The following NAV2 variants were observed in gnomAD, a reference collection of about 807,000 sequenced individuals.
The protein encoded by NAV2 is helicase, APC down-regulated 1.
Under a neutral mutation model 223.2 loss-of-function variants are expected in NAV2, and 54 were observed. The observed-to-expected ratio is 0.24, with a 90% confidence interval of 0.19 to 0.30. NAV2 has a LOEUF of 0.30. Ranked by LOEUF, NAV2 falls within the 10% of genes least tolerant of loss-of-function variation. The pLI, the probability that NAV2 is intolerant of heterozygous loss-of-function variation, is 1.00. For missense variants in NAV2, 2,806 were observed against 3,147.5 expected, an observed-to-expected ratio of 0.89 and a Z score of 2.60; for synonymous variants, 1,279 against 1,239.3, an observed-to-expected ratio of 1.03 and a Z score of -0.67.
intron 1 of NAV2, among the ~76,000 whole-genome samples, chr11:19,582,985 G>T (rs1043962221): frequency 1.7e-4 from 26 of 152,152 alleles, no homozygotes; most frequent in African/African-American, 6.0e-4. Context: ...CCATTTTCAC[G>T]ATATTGATTC....
intron 1 of NAV2, among the ~76,000 whole-genome samples, chr11:19,432,493 T>C (rs1851071309): frequency 5.3e-5 from 8 of 152,056 alleles, no homozygotes; most frequent in African/African-American, 2.4e-5. Context: ...GAGAGTATGT[T>C]GGGAAAAAAA....
chr11:20,114,183 A>T (rs539947807), intron 36 of NAV2, among the ~76,000 whole-genome samples: 2 of 152,312 alleles, frequency 1.3e-5, no homozygotes, highest in East Asian at 3.9e-4. Flanking sequence ...ACATCCAGTG[A>T]CATCATGTCA....
chr11:19,348,787 CTG>C (rs1046698161), upstream of NAV2, among the ~76,000 whole-genome samples: 49 of 152,232 alleles, frequency 3.2e-4, no homozygotes, highest in African/African-American at 1.1e-3. Flanking sequence ...GATGAGAAAA[CTG>C]AGATTGGGAT....
chr11:19,377,251 G>C (rs1297379511), intron 1 of NAV2, among the ~76,000 whole-genome samples: 1 of 152,230 alleles, frequency 6.6e-6, no homozygotes, highest in Non-Finnish European at 1.5e-5. Context: ...GAGCATGGAA[G>C]GGTGCTATCT....
chr11:19,607,786 G>A (rs2046522765), intron 1 of NAV2, among the ~76,000 whole-genome samples: 1 of 151,332 alleles, frequency 6.6e-6, no homozygotes, highest in Non-Finnish European at 1.5e-5. Flanking sequence ...AGCGTCGTGT[G>A]TAAAGGGAAC....
At chr11:19,371,501 T>C (rs1051065942) in intron 1 of NAV2, among the ~76,000 whole-genome samples, 7 of 152,346 alleles carry the variant, frequency 4.6e-5, no homozygotes, top group Admixed American at 1.3e-4. Flanking sequence ...GTTTATTGAG[T>C]ACTTACTGAG....
In NAV2 at chr11:19,923,892, CA is replaced by C. The variant is rs1217026691; in HGVS notation, c.932-9282del. Among the ~76,000 whole-genome samples the C allele has an allele frequency of 2.6e-5, 4 of 152,174 alleles. No homozygotes were observed. The East Asian group carries it at 7.7e-4, about 29-fold the overall frequency. ...CCTGGGGATTTTGAACAAATAAGTTCAAGAGAGAGAAAGGATGTATTTTGAG... is the reference window on the plus strand; with the variant it reads ...CCTGGGGATTTTGAACAAATAAGTTCAGAGAGAGAAAGGATGTATTTTGAG... On this transcript the variant is annotated intron_variant, in intron 6 of 37. Transcript: ENST00000349880.
intron 36 of NAV2, 158 bp from the exon 37 acceptor site, chr11:20,114,434 C>T: frequency 3.0e-6 from 2 of 672,188 alleles, no homozygotes; most frequent in Non-Finnish European, 5.1e-6. Flanking sequence ...GAACTGTCTG[C>T]ATCTTGGATG....
At chr11:19,879,034 G>C (rs1244214508) in intron 4 of NAV2, among the ~76,000 whole-genome samples, 1 of 152,088 alleles carries the variant, frequency 6.6e-6, no homozygotes, top group Non-Finnish European at 1.5e-5. Flanking sequence ...ACGCTCAGTA[G>C]CCCCAGAACT....
chr11:19,825,154 T>C (rs1014116411), intron 1 of NAV2, among the ~76,000 whole-genome samples: 36 of 151,966 alleles, frequency 2.4e-4, no homozygotes, highest in African/African-American at 8.7e-4. Context: ...TAGCTGGGCA[T>C]GGTGGTGCAC....
In NAV2 at chr11:19,933,043, C is replaced by A. The variant is rs1841483705; in HGVS notation, c.932-133C>A. 1.8e-6 allele frequency: 2 copies of A among 1,109,260 alleles called. No individual in the cohort carries two copies. The highest frequency in any genetic ancestry group is 1.2e-6 in the Non-Finnish European group (1 of 818,392). The allele number at this position is 1,109,260 out of a possible 1,614,324, so 68.7% of individuals were successfully genotyped here. A position where few individuals can be genotyped will look rare whatever the true frequency, so the allele number is the denominator to read the frequency against. ...AAATTAAAACCTAACCACAGATAAT[C>A]CACAAAGTGGGCAATGGAGCTATAC... On this transcript the variant is annotated intron_variant, in intron 6 of 37. Coordinates refer to ENST00000349880, the MANE Select transcript of NAV2 (RefSeq NM_145117.5). This position sits in a 1 kb window ranked among gnomAD's most constrained non-coding sequence, Gnocchi z 4.3.
chr11:19,475,665 T>G (rs534374740), intron 1 of NAV2, among the ~76,000 whole-genome samples: 257 of 152,354 alleles, frequency 1.7e-3, no homozygotes, highest in Non-Finnish European at 2.8e-3. Flanking sequence ...CTGACCTGCC[T>G]GGTTCTGCCT....
chr11:19,714,484 G>T (rs2050121605), intron 1 of NAV2: 1 of 456,260 alleles, frequency 2.2e-6, no homozygotes, highest in Non-Finnish European at 4.4e-6. Flanking sequence ...GCTTGAAGAT[G>T]ACCTGTCCCT....
At chr11:19,716,636 C>T (rs543299662) in intron 1 of NAV2, among the ~76,000 whole-genome samples, 21 of 152,192 alleles carry the variant, frequency 1.4e-4, no homozygotes, top group African/African-American at 4.1e-4. Flanking sequence ...CCAGGCAGAA[C>T]GGGAAGATGA....
rs116149808 is a variant in NAV2, at chr11:19,569,734, G to A, written c.75+218707G>A. ...GCTACATCTCACCCCCTTCTCTGGG[G>A]AATGAGCTGCGTTGTCAGGAACTGA... On this transcript the variant is annotated intron_variant, in intron 1 of 37. Transcript: ENST00000360655. Among the ~76,000 whole-genome samples, 1,424 of 152,266 alleles carry A rather than the reference G, an allele frequency of 9.4e-3. 26 individuals are homozygous for A. Among genetic ancestry groups the A allele is most frequent in the African/African-American group, 0.033 (1,372 of 41,552 alleles).
chr11:19,635,516 A>G (rs1276561094), intron 1 of NAV2, among the ~76,000 whole-genome samples: 3 of 152,214 alleles, frequency 2.0e-5, no homozygotes, highest in African/African-American at 2.4e-5. Context: ...TGATGGCTGG[A>G]AAGTCCAAGA....
intron 1 of NAV2, among the ~76,000 whole-genome samples, chr11:19,666,934 T>G (rs570325992): frequency 4.5e-4 from 68 of 152,288 alleles, no homozygotes; most frequent in African/African-American, 1.5e-3. Context: ...TATTTCCACA[T>G]GCAAACAGTT....
At chr11:19,655,748 G>A (rs1251684116) in intron 1 of NAV2, among the ~76,000 whole-genome samples, 1 of 123,224 alleles carries the variant, frequency 8.1e-6, no homozygotes, top group South Asian at 3.5e-4. Flanking sequence ...GTTTTGGGGT[G>A]GGGGGAGGGG....
At chr11:20,012,212 T>C (rs2053615691) in intron 11 of NAV2, among the ~76,000 whole-genome samples, 1 of 152,254 alleles carries the variant, frequency 6.6e-6, no homozygotes, top group Non-Finnish European at 1.5e-5. Flanking sequence ...CATTGTGCTC[T>C]GAATTGAATG....
Sources: allele counts gnomAD v4.1 joint callset (sites outside exome capture counted in the v4.1 genomes callset), GRCh38; gene constraint gnomAD v4.1.1; non-coding constraint Gnocchi (gnomAD v3.1); transcripts MANE v1.5; gene names NCBI Gene and HGNC (gene_info 2026-07-23, HGNC 2026-07-21).